The following FSTL5 variants were observed in gnomAD, a reference collection of about 807,000 sequenced individuals.
FSTL5 encodes follistatin like 5, also known as follistatin-related protein 5.
In FSTL5, 62 loss-of-function variants were observed where a neutral mutation model predicts 89.1. That is an observed-to-expected ratio of 0.70 (90% CI 0.57 to 0.86). The LOEUF (loss-of-function observed/expected upper bound fraction) is 0.86. Among genes scored for constraint, FSTL5 ranks in the 40% least tolerant of loss-of-function variants. The probability of loss-of-function intolerance (pLI) is 0.00; values close to 1 mark genes in which losing one functional copy is unlikely to be tolerated. For missense variants in FSTL5, 1,057 were observed against 1,001.6 expected, an observed-to-expected ratio of 1.06 and a Z score of -0.75; for synonymous variants, 383 against 346.2, an observed-to-expected ratio of 1.11 and a Z score of -1.18.
intron 4 of FSTL5, among the ~76,000 whole-genome samples, chr4:161,844,431 G>T (rs1460894029): frequency 6.6e-6 from 1 of 152,062 alleles, no homozygotes; most frequent in Non-Finnish European, 1.5e-5. Context: ...TCACATTACT[G>T]GGTATATACT....
intron 7 of FSTL5, among the ~76,000 whole-genome samples, chr4:161,644,624 T>C (rs1736084089): frequency 6.6e-6 from 1 of 151,888 alleles, no homozygotes; most frequent in Non-Finnish European, 1.5e-5. Context: ...GGGAGAATAG[T>C]AGGAAGAATT....
At chr4:161,980,120 A>C (rs1735776344) in intron 3 of FSTL5, among the ~76,000 whole-genome samples, 1 of 147,690 alleles carries the variant, frequency 6.8e-6, no homozygotes, top group African/African-American at 2.6e-5. Context: ...AAGGAGAGAA[A>C]AGGAAAAGAA....
chr4:161,882,726 C>A (rs1732672237), intron 4 of FSTL5, among the ~76,000 whole-genome samples: 2 of 152,000 alleles, frequency 1.3e-5, no homozygotes, highest in African/African-American at 4.8e-5. Flanking sequence ...ATTTTATCTG[C>A]ATTTTTTCTT....
intron 4 of FSTL5, among the ~76,000 whole-genome samples, chr4:161,872,280 C>G (rs1337694866): frequency 6.6e-6 from 1 of 151,578 alleles, no homozygotes; most frequent in Non-Finnish European, 1.5e-5. Context: ...CTAAAGTTAA[C>G]TTTTCAACTG....
chr4:161,592,972 A>G (rs936044204), intron 7 of FSTL5, among the ~76,000 whole-genome samples: 1 of 152,186 alleles, frequency 6.6e-6, no homozygotes, highest in Admixed American at 6.5e-5. Context: ...ACTTTACTAT[A>G]AAGAGTCTTA....
rs112923248 is a variant in FSTL5 at position 162,090,023 on chromosome 4, G to A, written c.126+21248C>T. Among the ~76,000 whole-genome samples the A allele has an allele frequency of 3.3e-3, 495 of 152,200 alleles. 2 individuals are homozygous for A. Among genetic ancestry groups the A allele is most frequent in the African/African-American group, 0.011 (462 of 41,536 alleles). ...CTCTCTATTCAGTCAATGGTGCTGG[G>A]ATAACTGGCTAGCCACATGCAAATT... On this transcript the variant is annotated intron_variant, in intron 2 of 15. Coordinates refer to ENST00000306100, the MANE Select transcript of FSTL5 (RefSeq NM_020116.5).
intron 15 of FSTL5, among the ~76,000 whole-genome samples, chr4:161,442,964 T>C (rs1257905235): frequency 6.6e-6 from 1 of 151,984 alleles, no homozygotes; most frequent in Non-Finnish European, 1.5e-5. Context: ...TGAATTTTGG[T>C]CTACAGTAAT....
At chr4:161,854,047 T>C (rs1027636030) in intron 4 of FSTL5, among the ~76,000 whole-genome samples, 8 of 152,194 alleles carry the variant, frequency 5.3e-5, no homozygotes, top group African/African-American at 1.9e-4. Context: ...TATTTATATA[T>C]GTAGATCATA....
At chr4:161,993,604 C>T (rs1474068560) in intron 3 of FSTL5, among the ~76,000 whole-genome samples, 2 of 151,762 alleles carry the variant, frequency 1.3e-5, no homozygotes, top group Non-Finnish European at 2.9e-5. Context: ...ACATTGAAAT[C>T]AAAAGTTTTA....
intron 3 of FSTL5, among the ~76,000 whole-genome samples, chr4:161,986,270 C>T (rs1212503610): frequency 6.6e-6 from 1 of 152,138 alleles, no homozygotes; most frequent in Non-Finnish European, 1.5e-5. Context: ...AAAATATAGG[C>T]CAGGCACGGT....
At chr4:162,081,941 C>T (rs560683209) in intron 2 of FSTL5, among the ~76,000 whole-genome samples, 6 of 151,558 alleles carry the variant, frequency 4.0e-5, no homozygotes, top group African/African-American at 1.2e-4. Context: ...AAACAAGTGA[C>T]CAATGGATTC....
chr4:162,031,187 A>C (rs1374457006), intron 3 of FSTL5, among the ~76,000 whole-genome samples: 2 of 152,292 alleles, frequency 1.3e-5, no homozygotes, highest in East Asian at 3.9e-4. Context: ...CACTGGTATC[A>C]TTACATTGGG....
chr4:161,831,809 C>CAT (rs1188087231), intron 4 of FSTL5, among the ~76,000 whole-genome samples: 1 of 151,416 alleles, frequency 6.6e-6, no homozygotes, highest in Non-Finnish European at 1.5e-5. Flanking sequence ...CATATATATA[C>CAT]ATATATATGC....
intron 4 of FSTL5, among the ~76,000 whole-genome samples, chr4:161,784,086 C>T (rs1308235448): frequency 1.3e-5 from 2 of 151,810 alleles, no homozygotes; most frequent in East Asian, 2.0e-4. Context: ...CAGGCACGTG[C>T]CACCATGCCA....
At chr4:161,613,668 C>T (rs1734737653) in intron 7 of FSTL5, among the ~76,000 whole-genome samples, 2 of 152,096 alleles carry the variant, frequency 1.3e-5, no homozygotes, top group African/African-American at 4.8e-5. Context: ...ACAAAAAAGT[C>T]TCGTTACATT....
At chr4:162,010,808 A>G (rs1299515190) in intron 3 of FSTL5, among the ~76,000 whole-genome samples, 1 of 152,230 alleles carries the variant, frequency 6.6e-6, no homozygotes, top group Non-Finnish European at 1.5e-5. Flanking sequence ...ATACCATTGA[A>G]TTAATACACC....
At chr4:161,389,131 T>C (rs1378935430) in intron 15 of FSTL5, among the ~76,000 whole-genome samples, 1 of 152,072 alleles carries the variant, frequency 6.6e-6, no homozygotes, top group Non-Finnish European at 1.5e-5. Context: ...TACAGATTGA[T>C]ATTCAGAAGT....
At chr4:161,573,036 T>C (rs927404765) in intron 8 of FSTL5, among the ~76,000 whole-genome samples, 1 of 152,210 alleles carries the variant, frequency 6.6e-6, no homozygotes, top group Non-Finnish European at 1.5e-5. Flanking sequence ...CAAGCCCTTA[T>C]AGATGGTCAA....
intron 2 of FSTL5, among the ~76,000 whole-genome samples, chr4:162,070,964 A>G (rs184537322): frequency 2.0e-5 from 3 of 151,890 alleles, no homozygotes; most frequent in Non-Finnish European, 2.9e-5. Context: ...ATACAAAAAT[A>G]TAATACTCAC....
Sources: gnomAD v4.1 joint callset for allele counts (sites outside exome capture counted in the v4.1 genomes callset) on GRCh38, gnomAD v4.1.1 for gene constraint, MANE v1.5 for transcripts, NCBI Gene and HGNC (gene_info 2026-07-23, HGNC 2026-07-21) for gene names.